GCM2: variants seen among roughly 807,000 people sequenced by gnomAD.
The protein encoded by GCM2 is GCM transcription factor 2.
In GCM2, 21 loss-of-function variants were observed where a neutral mutation model predicts 24.8. The ratio of observed to expected loss-of-function variants is 0.85; its 90% CI spans 0.60 to 1.22. The LOEUF (loss-of-function observed/expected upper bound fraction) is 1.22. Ranked by LOEUF, GCM2 falls within the 50% of genes most tolerant of loss-of-function variation. The probability of loss-of-function intolerance (pLI) is 0.00; values close to 1 mark genes in which losing one functional copy is unlikely to be tolerated. For missense variants in GCM2, 532 were observed against 645.6 expected (o/e 0.82, Z 1.91); for synonymous variants, 222 against 238.0 (o/e 0.93, Z 0.62).
At position 10,873,987 on chromosome 6, in the gene GCM2, A is replaced by T; in HGVS notation, c.*8T>A. The T allele has an allele frequency of 6.2e-7, 1 of 1,606,260 alleles. No individual in the cohort carries two copies. The highest frequency in any genetic ancestry group is 8.5e-7 in the Non-Finnish European group (1 of 1,172,966). The stretch of plus-strand genomic sequence containing the variant: ...TGCACACTGCTATTATGTCCCCTGG[A>T]TTGTCTTTCAAAAATCCTCATTGTT... On this transcript the variant is annotated 3_prime_UTR_variant, in exon 5 of 5. Coordinates refer to ENST00000379491, the MANE Select transcript of GCM2 (RefSeq NM_004752.4).
chr6:10,881,780 G>A lies in GCM2; in HGVS notation c.14C>T (p.Ala5Val). ...GCACACGCCGACCGCTTCCTGCACC[G>A]CGGCCGCCGGCATCTGCCCAACTCG... Reference protein sequence around the residue: MPAAAVQEAVGVCSY... With the variant: MPAAVVQEAVGVCSY... Residue 5 changes from alanine to valine, a missense_variant, in exon 1 of 5, where the codon GCG (alanine) becomes GTG (valine). By Grantham distance (64) the Ala-to-Val change is moderately conservative. Coordinates refer to ENST00000379491, the MANE Select transcript of GCM2 (RefSeq NM_004752.4). 1 of 1,608,172 alleles carries A rather than the reference G, an allele frequency of 6.2e-7. No individual in the cohort carries two copies. Among genetic ancestry groups the A allele is most frequent in the South Asian group, 1.1e-5 (1 of 91,078 alleles).
chr6:10,880,717 A>C (rs1167585973), intron 1 of GCM2, among the ~76,000 whole-genome samples: 1 of 152,168 alleles, frequency 6.6e-6, no homozygotes, highest in Non-Finnish European at 1.5e-5. Flanking sequence ...AAAATACAAC[A>C]AATTCACCCT....
Position 10,874,461 on chromosome 6 carries a change from T to C in GCM2, c.1055A>G (p.Gln352Arg). ...ATAATAAGGGCGAGTGGCCATGGCCTGAAACTGCCCATGGTTAGTCCTTTC... is the reference window on the plus strand; with the variant it reads ...ATAATAAGGGCGAGTGGCCATGGCCCGAAACTGCCCATGGTTAGTCCTTTC... ...LVERTNHGQF[Q>R]AMATRPYYNP... The change falls in exon 5 of 5, where the codon CAG becomes CGG. Residue 352 changes from glutamine (Q) to arginine (R), a missense_variant. Physicochemically the swap from Gln to Arg is conservative, Grantham distance 43. This residue lies in a region of GCM2 where 434 missense variants were observed against 521.9 expected (regional missense o/e 0.83). Transcript: ENST00000379491. The C allele has an allele frequency of 6.2e-7, 1 of 1,614,208 alleles. No homozygotes were observed. The highest frequency in any genetic ancestry group is 8.5e-7 in the Non-Finnish European group (1 of 1,180,020).
At chr6:10,879,641 G>A (rs760933048) in intron 1 of GCM2, among the ~76,000 whole-genome samples, 2 of 152,224 alleles carry the variant, frequency 1.3e-5, no homozygotes, top group Non-Finnish European at 2.9e-5. Flanking sequence ...TTGCTCACTC[G>A]GTTACCCAGA....
chr6:10,880,809 C>T (rs967034129), intron 1 of GCM2, among the ~76,000 whole-genome samples: 1 of 152,160 alleles, frequency 6.6e-6, no homozygotes, highest in African/African-American at 2.4e-5. Flanking sequence ...TATGGGGCCT[C>T]CTTCCTCTGA....
In GCM2 at chr6:10,878,896, A is replaced by G. The variant is rs180778027; in HGVS notation, c.91-1504T>C. Among the ~76,000 whole-genome samples, 6 of 152,252 alleles carry G rather than the reference A, an allele frequency of 3.9e-5. No homozygotes were observed. The East Asian group carries it at 1.2e-3, about 29-fold the overall frequency. Reference sequence around the variant, plus strand: ...TGCTGGTGTAATAAAGGCTCAGAAGAGTGTATAATAGCAGTAAGCCATTTG... The same window carrying G: ...TGCTGGTGTAATAAAGGCTCAGAAGGGTGTATAATAGCAGTAAGCCATTTG... On this transcript the variant is annotated intron_variant, in intron 1 of 4. Transcript: ENST00000379491.
chr6:10,873,903 A>G lies in GCM2; in HGVS notation c.*92T>C. Reference sequence around the variant, plus strand: ...TCTGTGTTTCTTTGCACACAAGGTGAATCTCCCAACTCAATAAGAGATCAT... The same window carrying G: ...TCTGTGTTTCTTTGCACACAAGGTGGATCTCCCAACTCAATAAGAGATCAT... On this transcript the variant is annotated 3_prime_UTR_variant, in exon 5 of 5. Transcript: ENST00000379491. 1 of 956,730 alleles carries G rather than the reference A, an allele frequency of 1.0e-6. No homozygotes were observed. Among genetic ancestry groups the G allele is most frequent in the African/African-American group, 1.6e-5 (1 of 62,594 alleles). 59.3% of individuals were successfully genotyped at this position (956,730 alleles called of 1,614,324 possible).
intron 1 of GCM2, among the ~76,000 whole-genome samples, chr6:10,880,522 A>T (rs879818954): frequency 1.3e-5 from 2 of 151,734 alleles, no homozygotes; most frequent in Non-Finnish European, 2.9e-5. Context: ...CTCTCATTCT[A>T]CACCCCCCAC....
At position 10,873,417 on chromosome 6, in the gene GCM2, A is replaced by G. The variant is rs1430492619; in HGVS notation, c.*578T>C. The G allele has an allele frequency of 6.3e-6, 1 of 158,262 alleles. No individual in the cohort carries two copies. The highest frequency in any genetic ancestry group is 1.4e-5 in the Non-Finnish European group (1 of 71,488). 9.8% of individuals were successfully genotyped at this position (158,262 alleles called of 1,614,324 possible). On this transcript the variant is annotated 3_prime_UTR_variant, in exon 5 of 5. Coordinates refer to ENST00000379491, the MANE Select transcript of GCM2 (RefSeq NM_004752.4). Reference sequence around the variant, plus strand: ...ATGAAAAGCTAATATTGAATCTTTTAAAAACAACTGAACTTTACCATTGCT... The same window carrying G: ...ATGAAAAGCTAATATTGAATCTTTTGAAAACAACTGAACTTTACCATTGCT...
chr6:10,879,859 G>C (rs575756113), intron 1 of GCM2, among the ~76,000 whole-genome samples: 1 of 152,314 alleles, frequency 6.6e-6, no homozygotes, highest in South Asian at 2.1e-4. Context: ...ATTGTTTCCT[G>C]TGAAGATGTA....
intron 3 of GCM2, 137 bp from the exon 4 acceptor site, chr6:10,876,153 C>A (rs1779874754): frequency 7.7e-6 from 7 of 914,182 alleles, no homozygotes; most frequent in Non-Finnish European, 8.8e-6. Flanking sequence ...AAAAAAAATT[C>A]TTGAACAAAT....
chr6:10,875,953 C>T lies in GCM2; in HGVS notation c.520G>A (p.Ala174Thr), dbSNP rs1330625529. ...SKSETEARRS[A>T]IKRQMASFYQ... ...AAAGAGGCCATTTGTCTCTTGATGG[C>T]GCTTCTTCTAGCTTCTGTCTCTGAT... The change falls in exon 4 of 5, where the codon GCC becomes ACC. Residue 174 changes from alanine to threonine, a missense_variant. Transcript: ENST00000379491. 15 of 1,613,346 alleles carry T rather than the reference C, an allele frequency of 9.3e-6. 1 individual carries two copies. Among genetic ancestry groups the T allele is most frequent in the South Asian group, 4.4e-5 (4 of 91,070 alleles).
chr6:10,874,620 G>C lies in GCM2; in HGVS notation c.896C>G (p.Pro299Arg), dbSNP rs1468173583. Residue 299 changes from proline (P) to arginine (R), a missense_variant, in exon 5 of 5, where the codon CCT becomes CGT. Pro to Arg is a moderately radical substitution (Grantham distance 103). This residue lies in a region of GCM2 where 434 missense variants were observed against 521.9 expected (regional missense o/e 0.83). Coordinates refer to ENST00000379491, the MANE Select transcript of GCM2 (RefSeq NM_004752.4). ...CAGATGAACCCAGTCTGTGTCATTA[G>C]GGATACTGGTGGAATCCTTATAAAG... ...PTLYKDSTSI[P>R]NDTDWVHLNT... 2.5e-6 allele frequency: 4 copies of C among 1,613,980 alleles called. No individual in the cohort carries two copies. In the African/African-American group the frequency reaches 5.3e-5, roughly 22 times the overall value.
In GCM2 at chr6:10,874,173, A is replaced by C. The variant is rs750622385; in HGVS notation, c.1343T>G (p.Met448Arg). 3 of 1,614,046 alleles carry C rather than the reference A, an allele frequency of 1.9e-6. No individual in the cohort carries two copies. The African/African-American group carries it at 4.0e-5, about 22-fold the overall frequency. The part of the protein sequence containing the change: ...RAASPSGPPP[M>R]KIAGDCRAIR... The stretch of plus-strand genomic sequence containing the variant: ...GGCCCGGCAATCTCCTGCAATTTTC[A>C]TAGGAGGTGGCCCTGAAGGAGAGGC... Residue 448 changes from methionine to arginine, a missense_variant, in exon 5 of 5, where the codon ATG becomes AGG. Met to Arg is a moderately conservative substitution (Grantham distance 91). Coordinates refer to ENST00000379491, the MANE Select transcript of GCM2 (RefSeq NM_004752.4).
At position 10,874,658 on chromosome 6, in the gene GCM2, G is replaced by T. The variant is rs1370862798; in HGVS notation, c.858C>A (p.Ser286Arg). The change falls in exon 5 of 5, where the codon AGC (serine) becomes AGA (arginine). Residue 286 changes from serine to arginine, a missense_variant. Ser to Arg is a moderately radical substitution (Grantham distance 110). Coordinates refer to ENST00000379491, the MANE Select transcript of GCM2 (RefSeq NM_004752.4). ...ELANPGYTNS[S>R]PYPTLYKDST... The stretch of plus-strand genomic sequence containing the variant: ...AATCCTTATAAAGGGTGGGATATGG[G>T]CTTGAATTTGTATAACCAGGGTTTG... 6.2e-7 allele frequency: 1 copy of T among 1,614,062 alleles called. No homozygotes were observed. Among genetic ancestry groups the T allele is most frequent in the South Asian group, 1.1e-5 (1 of 91,090 alleles).
chr6:10,881,740 C>A lies in GCM2; in HGVS notation c.54G>T (p.Gln18His), dbSNP rs761582931. ...GCGGATCGTTGATGTCCCAGCTGAGCTGCATCCCGTAGGAGCACACGCCGA... is the reference window on the plus strand; with the variant it reads ...GCGGATCGTTGATGTCCCAGCTGAGATGCATCCCGTAGGAGCACACGCCGA... ...EAVGVCSYGM[Q>H]LSWDINDPQM... is the part of the protein sequence containing the mutation. The change falls in exon 1 of 5, where the codon CAG becomes CAT. Residue 18 changes from glutamine (Q) to histidine (H), a missense_variant. Physicochemically the swap from Gln to His is conservative, Grantham distance 24 (BLOSUM62 0). Coordinates refer to ENST00000379491, the MANE Select transcript of GCM2 (RefSeq NM_004752.4). 1 of 1,611,628 alleles carries A rather than the reference C, an allele frequency of 6.2e-7. No homozygotes were observed. The highest frequency in any genetic ancestry group is 1.7e-5 in the Admixed American group (1 of 60,018).
chr6:10,876,254 C>T (rs539141255), intron 3 of GCM2, among the ~76,000 whole-genome samples, 191 bp downstream of exon 3: 1 of 152,274 alleles, frequency 6.6e-6, no homozygotes, highest in African/African-American at 2.4e-5. Flanking sequence ...CATCTGTGTA[C>T]CTTAAAGAGC....
chr6:10,873,539 A>T lies in GCM2; in HGVS notation c.*456T>A. ...TTAACAGGTTCTAAATGCTAAACAA[A>T]AATTTCATGAAATGACTCAGGTGAT... On this transcript the variant is annotated 3_prime_UTR_variant, in exon 5 of 5. Transcript: ENST00000379491. 5.5e-6 allele frequency: 1 copy of T among 181,530 alleles called. No individual in the cohort carries two copies. Among genetic ancestry groups the T allele is most frequent in the Non-Finnish European group, 1.2e-5 (1 of 84,846 alleles). 11.2% of individuals were successfully genotyped at this position (181,530 alleles called of 1,614,324 possible).
Position 10,877,390 on chromosome 6 carries a change from C to T in GCM2, c.93G>A (p.Glu31=). Residue 31 remains glutamate (E), a splice_region_variant and synonymous_variant, in exon 2 of 5, where the codon GAG becomes GAA. Coordinates refer to ENST00000379491, the MANE Select transcript of GCM2 (RefSeq NM_004752.4). ...WDINDPQMPQ[E]LALFDQFREW... ...CTCGGAATTGGTCAAAGAGGGCCAG[C>T]TCCTGGAAGAGTGCAGAAGGAAGGG... 1.2e-6 allele frequency: 2 copies of T among 1,614,204 alleles called. No homozygotes were observed. Among genetic ancestry groups the T allele is most frequent in the Non-Finnish European group, 1.7e-6 (2 of 1,180,024 alleles).
Sources: gnomAD v4.1 joint callset for allele counts (sites outside exome capture counted in the v4.1 genomes callset) on GRCh38, gnomAD v4.1.1 for gene constraint, gnomAD v4.1.1 regional missense constraint, MANE v1.5 for transcripts, NCBI Gene and HGNC (gene_info 2026-07-23, HGNC 2026-07-21) for gene names.